LPA: variants seen among roughly 807,000 people sequenced by gnomAD.
LPA encodes the protein lipoprotein(a).
Under a neutral mutation model 197.9 loss-of-function variants are expected in LPA, and 199 were observed. The ratio of observed to expected loss-of-function variants is 1.01; its 90% CI spans 0.90 to 1.13. The LOEUF (loss-of-function observed/expected upper bound fraction) is 1.13, where lower values mean the gene tolerates loss of function less well. LPA is among the 50% of genes most tolerant of loss of function. The probability of loss-of-function intolerance (pLI) is 0.00; values close to 1 mark genes in which losing one functional copy is unlikely to be tolerated. For missense variants in LPA, 1,853 were observed against 1,785.8 expected, an observed-to-expected ratio of 1.04 and a Z score of -0.68; for synonymous variants, 715 against 639.5, an observed-to-expected ratio of 1.12 and a Z score of -1.78.
At chr6:160,534,178 T>C (rs1208232112) in intron 37 of LPA, among the ~76,000 whole-genome samples, 1 of 152,196 alleles carries the variant, frequency 6.6e-6, no homozygotes, top group African/African-American at 2.4e-5. Context: ...TCCTCCTGAC[T>C]ACCGAGCATT....
chr6:160,570,109 A>G (rs1778536386), intron 28 of LPA, among the ~76,000 whole-genome samples: 1 of 152,212 alleles, frequency 6.6e-6, no homozygotes, highest in African/African-American at 2.4e-5. Context: ...TAGAAATACC[A>G]TTTGACACAG....
At position 160,563,886 on chromosome 6, in the gene LPA, C is replaced by T. The variant is rs144526474; in HGVS notation, c.4632-6315G>A. On this transcript the variant is annotated intron_variant, in intron 28 of 38. Transcript: ENST00000316300. ...TTTCATCAAAGACTAAGATTGCAAC[C>T]GCTGCTTTTTTTTTCTTTCCATTTG... Among the ~76,000 whole-genome samples the T allele has an allele frequency of 1.4e-3, 206 of 152,108 alleles. 3 individuals are homozygous for T. The East Asian group carries it at 0.026, about 19-fold the overall frequency.
In LPA at chr6:160,611,474, G is replaced by T. The variant is rs549449313; in HGVS notation, c.2603+88C>A. 119 of 1,568,428 alleles carry T rather than the reference G, an allele frequency of 7.6e-5. No homozygotes were observed. The African/African-American group carries it at 1.5e-3, about 19-fold the overall frequency. ...ACCATCTGAATCTGACACAAGTTGAGTTCGGAGAACTCAGCTTGAAGCATG... is the reference window on the plus strand; with the variant it reads ...ACCATCTGAATCTGACACAAGTTGATTTCGGAGAACTCAGCTTGAAGCATG... On this transcript the variant is annotated intron_variant, in intron 16 of 38. Transcript: ENST00000316300.
At chr6:160,658,325 C>T (rs113556799) in intron 1 of LPA, among the ~76,000 whole-genome samples, 10 of 152,274 alleles carry the variant, frequency 6.6e-5, no homozygotes, top group African/African-American at 2.4e-4. Context: ...GTGCATGCAC[C>T]TCTTGTTGCA....
At position 160,595,358 on chromosome 6, in the gene LPA, T is replaced by G; in HGVS notation, c.3465A>C (p.Glu1155Asp). ...VPDPSTEASSEEAPTEQSPGV... is the reference protein window; with the variant it reads ...VPDPSTEASSDEAPTEQSPGV... ...GTCTGGCCATAGACTTCCTACCTTC[T>G]TCAGAAGAAGCCTCTGTGCTTGGAT... Residue 1155 changes from glutamate to aspartate, a missense_variant, in exon 21 of 39, where the codon GAA becomes GAC. By Grantham distance (45) the Glu-to-Asp change is conservative. Coordinates refer to ENST00000316300, the MANE Select transcript of LPA (RefSeq NM_005577.4). 6.2e-7 allele frequency: 1 copy of G among 1,612,340 alleles called. No homozygotes were observed. Among genetic ancestry groups the G allele is most frequent in the South Asian group, 1.1e-5 (1 of 91,084 alleles).
intron 18 of LPA, 43 bp downstream of exon 18, chr6:160,605,003 C>A: frequency 1.9e-6 from 3 of 1,611,290 alleles, no homozygotes; most frequent in Non-Finnish European, 2.5e-6. Flanking sequence ...ACAGAAATTT[C>A]CACTGACCCT....
At chr6:160,605,265 G>A (rs1430740644) in intron 17 of LPA, 60 bp from the exon 18 acceptor site, 4 of 1,588,590 alleles carry the variant, frequency 2.5e-6, no homozygotes, top group Admixed American at 1.7e-5. Flanking sequence ...AACATGTGAA[G>A]CCACTTATGG....
chr6:160,663,352 GTTTC>G (rs1780257315), intron 1 of LPA, among the ~76,000 whole-genome samples: 1 of 152,186 alleles, frequency 6.6e-6, no homozygotes, highest in African/African-American at 2.4e-5. Context: ...TTAAATCCAG[GTTTC>G]TTTATTTCCT....
intron 28 of LPA, among the ~76,000 whole-genome samples, chr6:160,568,699 C>T (rs1015111539): frequency 6.6e-6 from 1 of 152,116 alleles, no homozygotes; most frequent in Non-Finnish European, 1.5e-5. Context: ...GTTAAATTGT[C>T]CCTGTTTGCA....
chr6:160,605,212 TGAAAA>T lies in LPA; in HGVS notation c.2786-12_2786-8del, dbSNP rs777262952. On this transcript the variant is annotated splice_region_variant and splice_polypyrimidine_tract_variant and intron_variant, in intron 17 of 38. Transcript: ENST00000316300. ...GGCCTTTGCTCAGTTGGTGCTGAAA[TGAAAA>T]GAAAAGAAATCAAACTGAGTGTTTC... The T allele has an allele frequency of 3.7e-6, 6 of 1,613,198 alleles. No individual in the cohort carries two copies. The highest frequency in any genetic ancestry group is 5.1e-6 in the Non-Finnish European group (6 of 1,179,766).
intron 16 of LPA, 149 bp downstream of exon 16, chr6:160,611,413 T>A (rs1779513464): frequency 2.0e-6 from 3 of 1,479,630 alleles, no homozygotes; most frequent in Admixed American, 1.7e-5. Flanking sequence ...CTCAGACCCT[T>A]AGCTCCAAGG....
At position 160,650,361 on chromosome 6, in the gene LPA, C is replaced by G; in HGVS notation, c.186G>C (p.Arg62Ser). 2 of 1,613,690 alleles carry G rather than the reference C, an allele frequency of 1.2e-6. No individual in the cohort carries two copies. Among genetic ancestry groups the G allele is most frequent in the Non-Finnish European group, 1.7e-6 (2 of 1,179,766 alleles). The part of the protein sequence containing the change: ...WSSMTPHQHN[R>S]TTENYPNAGL... The stretch of plus-strand genomic sequence containing the variant: ...ACGCATTTGGGTAGTTTTCTGTGGT[C>G]CTATTATGTTGATGTGGTGTCATAG... The change falls in exon 2 of 39, where the codon AGG (arginine) becomes AGC (serine). Residue 62 changes from arginine to serine, a missense_variant. Transcript: ENST00000316300.
At chr6:160,556,819 T>C (rs760078083) in intron 29 of LPA, among the ~76,000 whole-genome samples, 23 of 152,086 alleles carry the variant, frequency 1.5e-4, no homozygotes, top group Admixed American at 9.2e-4. Context: ...GCACGTTCCA[T>C]GAGAAGAAGG....
In LPA at chr6:160,599,486, G is replaced by C. The variant is rs1382374386; in HGVS notation, c.3287+14C>G. On this transcript the variant is annotated intron_variant, in intron 20 of 38. Coordinates refer to ENST00000316300, the MANE Select transcript of LPA (RefSeq NM_005577.4). ...TGGCCCTTCCTTCGCTTATGGTAAA[G>C]AACAAAGACGTACGCATTTGGGTAG... The C allele has an allele frequency of 5.6e-6, 9 of 1,612,968 alleles. No individual in the cohort carries two copies. Among genetic ancestry groups the C allele is most frequent in the Middle Eastern group, 1.8e-4 (1 of 5,410 alleles).
rs1287454419 is a variant in LPA at position 160,555,455 on chromosome 6, A to ATATATGTG, written c.4973+569_4973+570insCACATATA. On this transcript the variant is annotated intron_variant, in intron 30 of 38. Coordinates refer to ENST00000316300, the MANE Select transcript of LPA (RefSeq NM_005577.4). Reference sequence around the variant, plus strand: ...CTAGAACATATATATATATATATATATGTGTGTGTATATATATATGTATAT... The same window carrying ATATATGTG: ...CTAGAACATATATATATATATATATATATATGTGTGTGTGTGTATATATATATGTATAT... 4.4e-3 allele frequency among the ~76,000 whole-genome samples: 584 copies of ATATATGTG among 133,064 alleles called. 7 individuals carry two copies. Among genetic ancestry groups the ATATATGTG allele is most frequent in the Middle Eastern group, 0.016 (4 of 254 alleles). The allele number at this position is 133,064 out of a possible 152,430, so 87.3% of individuals were successfully genotyped here. A position where few individuals can be genotyped will look rare whatever the true frequency, so the allele number is the denominator to read the frequency against.
At chr6:160,554,676 C>T (rs936281790) in intron 30 of LPA, among the ~76,000 whole-genome samples, 3 of 152,192 alleles carry the variant, frequency 2.0e-5, no homozygotes, top group East Asian at 3.9e-4. Context: ...CTGAATTTGT[C>T]CTTTCCCCAG....
intron 16 of LPA, among the ~76,000 whole-genome samples, chr6:160,611,142 A>G (rs1482836787): frequency 1.3e-5 from 2 of 152,144 alleles, no homozygotes; most frequent in Admixed American, 6.5e-5. Flanking sequence ...TCACCTGTCC[A>G]TAAGTAAGCA....
chr6:160,585,545 G>A (rs903316481), intron 25 of LPA, among the ~76,000 whole-genome samples: 3 of 152,050 alleles, frequency 2.0e-5, no homozygotes, highest in African/African-American at 4.8e-5. Context: ...GGAGACCAGG[G>A]TGCCATGCAT....
chr6:160,587,623 T>C (rs1039897352), intron 24 of LPA, among the ~76,000 whole-genome samples: 4 of 152,160 alleles, frequency 2.6e-5, no homozygotes, highest in Non-Finnish European at 5.9e-5. Flanking sequence ...CGAGCCATCA[T>C]CGCTTCAAGT....
Sources: allele counts gnomAD v4.1 joint callset (sites outside exome capture counted in the v4.1 genomes callset), GRCh38; gene constraint gnomAD v4.1.1; transcripts MANE v1.5; gene names NCBI Gene and HGNC (gene_info 2026-07-23, HGNC 2026-07-21).